The following MKX variants were observed in gnomAD, a reference collection of about 807,000 sequenced individuals.
The protein encoded by MKX is mohawk homeobox.
Under a neutral mutation model 36.0 loss-of-function variants are expected in MKX, and 13 were observed. The ratio of observed to expected loss-of-function variants is 0.36; its 90% CI spans 0.24 to 0.57. The LOEUF is 0.57. MKX is among the 20% of genes least tolerant of loss of function. The pLI is 0.79. For synonymous variants in MKX, 176 were observed against 178.3 expected (o/e 0.99, Z 0.10); for missense variants, 458 against 456.4 (o/e 1.00, Z -0.03).
At chr10:27,724,588 A>G (rs1834447025) in intron 5 of MKX, among the ~76,000 whole-genome samples, 1 of 151,894 alleles carries the variant, frequency 6.6e-6, no homozygotes, top group Non-Finnish European at 1.5e-5. Context: ...CCTCAAAACC[A>G]CTTTCAAACT....
chr10:27,692,795 C>G (rs1048633388), intron 5 of MKX, among the ~76,000 whole-genome samples: 2 of 152,194 alleles, frequency 1.3e-5, no homozygotes, highest in Non-Finnish European at 2.9e-5. Flanking sequence ...TATACACTGA[C>G]ATAGTGATGA....
Position 27,735,374 on chromosome 10 carries a change from C to A in MKX, c.349G>T (p.Val117Leu). Reference protein sequence around the residue: ...ALGSQMTLVQVSNWFANARRR... With the variant: ...ALGSQMTLVQLSNWFANARRR... ...CTTGCATTAGCAAACCAATTTGACACCTAAAACAGTATTATTTTTCAATTA... is the reference window on the plus strand; with the variant it reads ...CTTGCATTAGCAAACCAATTTGACAACTAAAACAGTATTATTTTTCAATTA... Residue 117 changes from valine (V) to leucine (L), a missense_variant and splice_region_variant, in exon 4 of 7, where the codon GTG becomes TTG. Val to Leu is a conservative substitution (Grantham distance 32). Transcript: ENST00000419761. 6.2e-7 allele frequency: 1 copy of A among 1,601,972 alleles called. No homozygotes were observed. Among genetic ancestry groups the A allele is most frequent in the Non-Finnish European group, 8.5e-7 (1 of 1,176,238 alleles).
intron 5 of MKX, among the ~76,000 whole-genome samples, chr10:27,682,188 TAAC>T (rs770798588): frequency 3.9e-5 from 6 of 152,108 alleles, no homozygotes; most frequent in Non-Finnish European, 8.8e-5. Flanking sequence ...AAAATTTTAA[TAAC>T]AGGAAAAAGT....
chr10:27,736,640 C>CT (rs897520919), intron 3 of MKX, among the ~76,000 whole-genome samples: 103 of 148,620 alleles, frequency 6.9e-4, no homozygotes, highest in Non-Finnish European at 9.0e-4. Context: ...GAAATTTCTA[C>CT]TTTTTTTTTT....
chr10:27,729,872 T>C (rs1834585863), intron 5 of MKX, among the ~76,000 whole-genome samples: 1 of 151,886 alleles, frequency 6.6e-6, no homozygotes, highest in African/African-American at 2.4e-5. Context: ...GCAAAAACGG[T>C]TCCATCTGGA....
chr10:27,738,416 C>T lies in MKX; in HGVS notation c.348+2929G>A, dbSNP rs559961980. ...ACTTTTAATCTACTATGGATTCCTTCGGGTTGTCGTTCATATTCTCTTCAA... is the reference window on the plus strand; with the variant it reads ...ACTTTTAATCTACTATGGATTCCTTTGGGTTGTCGTTCATATTCTCTTCAA... On this transcript the variant is annotated intron_variant, in intron 3 of 6. Coordinates refer to ENST00000419761, the MANE Select transcript of MKX (RefSeq NM_173576.3). 2.0e-5 allele frequency among the ~76,000 whole-genome samples: 3 copies of T among 152,080 alleles called. No homozygotes were observed. The East Asian group carries it at 5.8e-4, about 29-fold the overall frequency.
rs201168101 is a variant in MKX at position 27,681,041 on chromosome 10, C to T, written c.839-5487G>A. ...TTCGGTCAGTGGCAAACCATACATA[C>T]GACAGTGGCCCATAAGATTATAATG... On this transcript the variant is annotated intron_variant, in intron 5 of 6. Coordinates refer to ENST00000419761, the MANE Select transcript of MKX (RefSeq NM_173576.3). 6.6e-5 allele frequency among the ~76,000 whole-genome samples: 10 copies of T among 152,314 alleles called. No individual in the cohort carries two copies. The East Asian group carries it at 7.7e-4, about 12-fold the overall frequency.
At chr10:27,734,868 TAAAAATATATAAAGGAAATATATTTA>T (rs1439512790) in intron 4 of MKX, 77 bp from the exon 5 acceptor site, 1 of 785,526 alleles carries the variant, frequency 1.3e-6, no homozygotes, top group African/African-American at 1.8e-5. Context: ...ATTTAATCCT[TAAAAATATATAAAGGAAATATATTTA>T]AAGTATATAA....
At chr10:27,681,427 G>A (rs915970694) in intron 5 of MKX, among the ~76,000 whole-genome samples, 17 of 151,940 alleles carry the variant, frequency 1.1e-4, no homozygotes, top group Non-Finnish European at 2.5e-4. Flanking sequence ...CCAGCCTGGT[G>A]ACAGAGCAGG....
intron 5 of MKX, among the ~76,000 whole-genome samples, chr10:27,700,286 C>T (rs1836627932): frequency 6.6e-6 from 1 of 152,150 alleles, no homozygotes; most frequent in Non-Finnish European, 1.5e-5. Context: ...TTTCAATAAC[C>T]ATCAAGATTT....
intron 5 of MKX, among the ~76,000 whole-genome samples, chr10:27,704,898 T>C (rs1284362659): frequency 1.3e-5 from 2 of 152,176 alleles, no homozygotes; most frequent in Non-Finnish European, 2.9e-5. Context: ...TTAAAATAAA[T>C]ATATACAATG....
At chr10:27,745,515 C>G (rs893350722) in intron 1 of MKX, 192 bp downstream of exon 1, 2 of 152,546 alleles carry the variant, frequency 1.3e-5, no homozygotes, top group Non-Finnish European at 2.9e-5. Flanking sequence ...AAAGGAGGCG[C>G]GGCCAGGTGG....
intron 5 of MKX, among the ~76,000 whole-genome samples, chr10:27,730,709 C>T (rs1380070092): frequency 2.6e-5 from 4 of 151,826 alleles, no homozygotes; most frequent in African/African-American, 7.3e-5. Flanking sequence ...CTGCCTGCCT[C>T]GGCCTCCCAA....
chr10:27,699,276 G>T (rs568373930), intron 5 of MKX, among the ~76,000 whole-genome samples: 5 of 152,128 alleles, frequency 3.3e-5, no homozygotes, highest in Admixed American at 6.5e-5. Context: ...TTTAATAGGA[G>T]TTTTATTTTA....
chr10:27,697,082 G>A (rs1836569173), intron 5 of MKX, among the ~76,000 whole-genome samples: 1 of 152,192 alleles, frequency 6.6e-6, no homozygotes, highest in South Asian at 2.1e-4. Flanking sequence ...ATTTACTGGT[G>A]CAAGAATGTA....
At chr10:27,711,326 T>A (rs1431399884) in intron 5 of MKX, among the ~76,000 whole-genome samples, 1 of 152,216 alleles carries the variant, frequency 6.6e-6, no homozygotes, top group South Asian at 2.1e-4. Flanking sequence ...CACTATCTAC[T>A]CTTAAAATGC....
chr10:27,714,414 A>G (rs16928203), intron 5 of MKX, among the ~76,000 whole-genome samples: 1,991 of 152,322 alleles, frequency 0.013, 33 homozygotes, highest in African/African-American at 0.046. Context: ...TGTTAGAGAA[A>G]GCGCTTGACA....
chr10:27,676,081 G>A (rs1232543690), intron 5 of MKX, among the ~76,000 whole-genome samples: 3 of 152,114 alleles, frequency 2.0e-5, no homozygotes, highest in Non-Finnish European at 1.5e-5. Flanking sequence ...ACCAGCCTGC[G>A]CTACATAGTG....
intron 5 of MKX, among the ~76,000 whole-genome samples, chr10:27,695,272 C>A (rs2132516718): frequency 6.6e-6 from 1 of 152,216 alleles, no homozygotes. Flanking sequence ...AGAAACGCTC[C>A]TTCCCAGGCC....
Sources: allele counts gnomAD v4.1 joint callset (sites outside exome capture counted in the v4.1 genomes callset), GRCh38; gene constraint gnomAD v4.1.1; transcripts MANE v1.5; gene names NCBI Gene and HGNC (gene_info 2026-07-23, HGNC 2026-07-21).